The following MAGI1 variants were observed in gnomAD, a reference collection of about 807,000 sequenced individuals.
MAGI1 encodes the protein membrane-associated guanylate kinase, WW and PDZ domain-containing protein 1.
A neutral mutation model predicts 139.9 loss-of-function variants in MAGI1; 58 were observed. The observed-to-expected ratio is 0.41, with a 90% CI of 0.34 to 0.52. MAGI1 has a LOEUF of 0.52. MAGI1 is among the 20% of genes least tolerant of loss of function. The probability of loss-of-function intolerance (pLI) is 0.12; values close to 1 mark genes in which losing one functional copy is unlikely to be tolerated. For synonymous variants in MAGI1, 812 were observed against 737.9 expected, an observed-to-expected ratio of 1.10 and a Z score of -1.63; for missense variants, 1,874 against 1,901.6, an observed-to-expected ratio of 0.99 and a Z score of 0.27.
intron 3 of MAGI1, among the ~76,000 whole-genome samples, chr3:65,480,534 C>CAAA (rs67341994): frequency 2.3e-5 from 3 of 131,214 alleles, no homozygotes; most frequent in African/African-American, 8.4e-5. Flanking sequence ...GATCCTATCT[C>CAAA]AAAAAAAAAA....
chr3:65,420,451 T>C (rs1575680478), intron 12 of MAGI1, among the ~76,000 whole-genome samples: 1 of 152,080 alleles, frequency 6.6e-6, no homozygotes, highest in South Asian at 2.1e-4. Flanking sequence ...GCACTTTTCT[T>C]TGGCTGGCAT....
At position 65,383,626 on chromosome 3, in the gene MAGI1, G is replaced by T. The variant is rs779117785; in HGVS notation, c.2417-3C>A. The T allele has an allele frequency of 6.4e-7, 1 of 1,573,956 alleles. No individual in the cohort carries two copies. Among genetic ancestry groups the T allele is most frequent in the Non-Finnish European group, 8.7e-7 (1 of 1,143,480 alleles). On this transcript the variant is annotated splice_region_variant and splice_polypyrimidine_tract_variant and intron_variant, in intron 14 of 22. Coordinates refer to ENST00000402939, the MANE Select transcript of MAGI1 (RefSeq NM_001033057.2). ...GTCCTGTTCCTGGTAATCTGGAACT[G>T]CAGAGAGGGGAGAAAAAAGAGAAGG...
chr3:65,552,005 G>C (rs1043950019), intron 2 of MAGI1, among the ~76,000 whole-genome samples: 2 of 152,224 alleles, frequency 1.3e-5, no homozygotes, highest in African/African-American at 4.8e-5. Flanking sequence ...TAACTCCAAA[G>C]TGGGGGAGGC....
chr3:65,948,132 C>T (rs547222994), intron 1 of MAGI1, among the ~76,000 whole-genome samples: 13 of 151,182 alleles, frequency 8.6e-5, no homozygotes, highest in African/African-American at 2.2e-4. Flanking sequence ...TTAGTAGAGA[C>T]GGGGTTTCAC....
chr3:65,415,006 G>GAA (rs60772625), intron 12 of MAGI1, among the ~76,000 whole-genome samples: 12 of 105,566 alleles, frequency 1.1e-4, no homozygotes, highest in African/African-American at 2.9e-4. Context: ...TCCAGCCTGG[G>GAA]AAAAAAAAAA....
chr3:65,845,895 G>A (rs891094003), intron 1 of MAGI1, among the ~76,000 whole-genome samples: 16 of 152,284 alleles, frequency 1.1e-4, no homozygotes, highest in East Asian at 3.9e-4. Context: ...CTTGTGATCC[G>A]CCAGACAAGT....
intron 1 of MAGI1, among the ~76,000 whole-genome samples, chr3:65,950,089 A>C (rs1560421): frequency 8.0e-5 from 4 of 50,052 alleles, no homozygotes; most frequent in South Asian, 7.3e-4. Context: ...AAAAAAAAAA[A>C]CAAACAAAAA....
At chr3:65,820,514 A>G (rs763970230) in intron 1 of MAGI1, among the ~76,000 whole-genome samples, 28 of 152,068 alleles carry the variant, frequency 1.8e-4, no homozygotes, top group African/African-American at 2.9e-4. Context: ...AGAAACATAC[A>G]CATTAGGCGT....
At chr3:65,382,144 T>C in intron 15 of MAGI1, 75 bp from the exon 16 acceptor site, 1 of 1,233,710 alleles carries the variant, frequency 8.1e-7, no homozygotes, top group Non-Finnish European at 1.1e-6. Flanking sequence ...TTCACATCTC[T>C]GGGAACAATT....
intron 1 of MAGI1, among the ~76,000 whole-genome samples, chr3:65,773,003 C>G (rs2038080635): frequency 6.6e-6 from 1 of 152,198 alleles, no homozygotes; most frequent in Non-Finnish European, 1.5e-5. Context: ...CCACCTCACA[C>G]CAGCGTCCTC....
At chr3:65,425,993 G>C (rs1947016005) in intron 12 of MAGI1, among the ~76,000 whole-genome samples, 1 of 152,188 alleles carries the variant, frequency 6.6e-6, no homozygotes, top group Admixed American at 6.5e-5. Flanking sequence ...CAGGATTTCT[G>C]AATGCAGATG....
intron 1 of MAGI1, among the ~76,000 whole-genome samples, chr3:65,819,355 G>A (rs940183910): frequency 6.6e-6 from 1 of 152,064 alleles, no homozygotes; most frequent in African/African-American, 2.4e-5. Flanking sequence ...CAGAATATGC[G>A]ATTTTAACTG....
intron 4 of MAGI1, among the ~76,000 whole-genome samples, chr3:65,477,661 G>C (rs574886027): frequency 6.6e-6 from 1 of 150,894 alleles, no homozygotes; most frequent in South Asian, 2.1e-4. Flanking sequence ...GAGCTCTTCT[G>C]GGTCACTGCA....
chr3:65,991,306 GTA>G (rs2066161419), intron 1 of MAGI1, among the ~76,000 whole-genome samples: 1 of 93,502 alleles, frequency 1.1e-5, no homozygotes, highest in Non-Finnish European at 2.1e-5. Context: ...AAAAAAAAAG[GTA>G]AAAAAAAAAA....
intron 18 of MAGI1, among the ~76,000 whole-genome samples, chr3:65,367,637 G>T (rs1165242284): frequency 6.6e-6 from 1 of 152,034 alleles, no homozygotes; most frequent in African/African-American, 2.4e-5. Context: ...TGCAATTATG[G>T]CCCCAGTTTA....
Position 65,379,520 on chromosome 3 carries a change from G to C in MAGI1, c.2736C>G (p.Ala912=), listed in dbSNP as rs755264631. ...GCTGGTTGCTACTGTGATGAGAGGA[G>C]GCTGGCGAGGGCACCTCGTTCTCGG... ...PKTENEVPSP[A]SSHHSSNQPA... Residue 912 remains alanine, a synonymous_variant, in exon 17 of 23, where the codon GCC becomes GCG. Transcript: ENST00000402939. The C allele has an allele frequency of 6.2e-7, 1 of 1,611,856 alleles. No homozygotes were observed. The highest frequency in any genetic ancestry group is 1.3e-5 in the African/African-American group (1 of 74,868).
intron 5 of MAGI1, among the ~76,000 whole-genome samples, chr3:65,468,744 C>T (rs556432716): frequency 4.6e-5 from 7 of 151,854 alleles, no homozygotes; most frequent in Non-Finnish European, 1.0e-4. Flanking sequence ...AATCATACTA[C>T]CTAATTTTCA....
intron 12 of MAGI1, among the ~76,000 whole-genome samples, chr3:65,418,111 T>A (rs1483622369): frequency 6.6e-6 from 1 of 152,130 alleles, no homozygotes; most frequent in Non-Finnish European, 1.5e-5. Flanking sequence ...CAGATAACTG[T>A]CTGGCCCAAA....
intron 1 of MAGI1, among the ~76,000 whole-genome samples, chr3:65,908,392 C>T (rs1250338439): frequency 6.6e-6 from 1 of 152,042 alleles, no homozygotes; most frequent in East Asian, 1.9e-4. Context: ...CAACCTCCAC[C>T]TCCCGGGTTC....
Sources: gnomAD v4.1 joint callset for allele counts (sites outside exome capture counted in the v4.1 genomes callset) on GRCh38, gnomAD v4.1.1 for gene constraint, MANE v1.5 for transcripts, NCBI Gene and HGNC (gene_info 2026-07-23, HGNC 2026-07-21) for gene names.